OR10K2: variants seen among roughly 807,000 people sequenced by gnomAD.
OR10K2 encodes the protein olfactory receptor family 10 subfamily K member 2, also known as olfactory receptor 10K2.
For synonymous variants in OR10K2, 169 were observed against 146.4 expected, an observed-to-expected ratio of 1.15 and a Z score of -1.11; for missense variants, 401 against 367.1, an observed-to-expected ratio of 1.09 and a Z score of -0.76.
At position 158,420,054 on chromosome 1, in the gene OR10K2, A is replaced by G. The variant is rs1200114187; in HGVS notation, c.813T>C (p.Asp271=). 1 of 1,613,772 alleles carries G rather than the reference A, an allele frequency of 6.2e-7. No homozygotes were observed. Among genetic ancestry groups the G allele is most frequent in the South Asian group, 1.1e-5 (1 of 91,078 alleles). The change falls in exon 2 of 2, where the codon GAT becomes GAC. Residue 271 remains aspartate (D), a synonymous_variant. Transcript: ENST00000641042. ...RPQSNYSSSQ[D]ALISVSYTII... ...TAGTGTAGGATACTGATATTAGAGC[A>G]TCCTGGCTTGAGGAGTAGTTGGACT...
chr1:158,420,411 G>A lies in OR10K2; in HGVS notation c.456C>T (p.Gly152=). 6.2e-7 allele frequency: 1 copy of A among 1,613,906 alleles called. No homozygotes were observed. The highest frequency in any genetic ancestry group is 8.5e-7 in the Non-Finnish European group (1 of 1,179,918). The change falls in exon 2 of 2, where the codon GGC becomes GGT. Residue 152 remains glycine, a synonymous_variant. Transcript: ENST00000641042. ...MGLVAAACAC[G]FTVAQIITSL... ...ATGTGATGATCTGTGCAACAGTGAA[G>A]CCACAGGCACAGGCAGCAGCCACTA... is the stretch of plus-strand genomic sequence containing the variant.
intron 1 of OR10K2, among the ~76,000 whole-genome samples, chr1:158,423,794 G>A (rs868251666): frequency 6.6e-6 from 1 of 151,998 alleles, no homozygotes; most frequent in East Asian, 1.9e-4. Context: ...GGTTTTCCAC[G>A]GAGTTCTGTT....
rs1230736267 is a variant in OR10K2, at chr1:158,420,900, G to C, written c.-34C>G. On this transcript the variant is annotated 5_prime_UTR_variant, in exon 2 of 2. Transcript: ENST00000641042. ...CATCATCAGGAGACAATTAGGGAGA[G>C]AAGAGGAGTCAGCACCAAAAGAAAT... The C allele has an allele frequency of 1.9e-6, 3 of 1,579,690 alleles. No homozygotes were observed. In the Admixed American group the frequency reaches 5.4e-5, roughly 28 times the overall value.
At chr1:158,421,890 A>G (rs1430930711) in intron 1 of OR10K2, among the ~76,000 whole-genome samples, 2 of 152,024 alleles carry the variant, frequency 1.3e-5, no homozygotes, top group South Asian at 2.1e-4. Context: ...TTGCCCAAAT[A>G]TGTTCTGGAC....
At chr1:158,424,421 T>C (rs980753811) in intron 1 of OR10K2, among the ~76,000 whole-genome samples, 3 of 151,966 alleles carry the variant, frequency 2.0e-5, no homozygotes, top group Non-Finnish European at 4.4e-5. Context: ...TATTCCATTG[T>C]GTCTATCAAT....
intron 1 of OR10K2, among the ~76,000 whole-genome samples, chr1:158,424,152 G>C (rs1488560364): frequency 6.6e-6 from 1 of 152,020 alleles, no homozygotes; most frequent in South Asian, 2.1e-4. Context: ...TACTGGCTGA[G>C]TCTAAATGCC....
At chr1:158,425,047 A>AG (rs1655226430) in intron 1 of OR10K2, among the ~76,000 whole-genome samples, 1 of 152,110 alleles carries the variant, frequency 6.6e-6, no homozygotes, top group Non-Finnish European at 1.5e-5. Context: ...GGAATTGAAA[A>AG]GGGGCAGAGA....
rs750580861 is a variant in OR10K2 at position 158,420,181 on chromosome 1, G to C, written c.686C>G (p.Pro229Arg). Residue 229 changes from proline (P) to arginine (R), a missense_variant, in exon 2 of 2, where the codon CCT becomes CGT. Pro to Arg is a moderately radical substitution (Grantham distance 103). Transcript: ENST00000641042. ...AGCTTTGCACCTACCCAGTGTGGAA[G>C]GAAACTGAAGTATGGCAGAGAGGAT... is the stretch of plus-strand genomic sequence containing the variant. ...VHILSAILQF[P>R]STLGRCKAFS... 1.2e-6 allele frequency: 2 copies of C among 1,613,732 alleles called. No homozygotes were observed. The highest frequency in any genetic ancestry group is 2.2e-5 in the South Asian group (2 of 91,076).
At chr1:158,421,021 C>T in intron 1 of OR10K2, 94 bp from the exon 2 acceptor site, 1 of 715,374 alleles carries the variant, frequency 1.4e-6, no homozygotes, top group Non-Finnish European at 2.3e-6. Flanking sequence ...TCTTGTTTTT[C>T]CAAGACATGA....
rs1655096591 is a variant in OR10K2 at position 158,419,314 on chromosome 1, G to C, written c.*614C>G. 6.5e-6 allele frequency: 1 copy of C among 154,800 alleles called. No individual in the cohort carries two copies. Among genetic ancestry groups the C allele is most frequent in the Admixed American group, 6.5e-5 (1 of 15,268 alleles). 9.6% of individuals were successfully genotyped at this position (154,800 alleles called of 1,614,324 possible). A position where few individuals can be genotyped will look rare whatever the true frequency, so the allele number is the denominator to read the frequency against. On this transcript the variant is annotated 3_prime_UTR_variant, in exon 2 of 2. Transcript: ENST00000641042. Reference sequence around the variant, plus strand: ...GGTTGTGCCACATTTTGCAGGGTTAGTTTTCAGCCTGGCTGAGATTGGGTG... The same window carrying C: ...GGTTGTGCCACATTTTGCAGGGTTACTTTTCAGCCTGGCTGAGATTGGGTG...
intron 1 of OR10K2, 55 bp from the exon 2 acceptor site, chr1:158,420,982 T>C: frequency 1.1e-6 from 1 of 937,534 alleles, no homozygotes; most frequent in Non-Finnish European, 1.6e-6. Flanking sequence ...TCTCAGATTT[T>C]GAATTCTGAA....
rs1431122860 is a variant in OR10K2, at chr1:158,420,641, T to C, written c.226A>G (p.Ile76Val). The part of the protein sequence containing the change: ...LSCSEICYTF[I>V]IVPKMLVDLL... ...TCAACCAGCATCTTGGGTACAATGA[T>C]GAAGGTGTAGCAAATCTCAGAGCAA... Residue 76 changes from isoleucine (I) to valine (V), a missense_variant, in exon 2 of 2, where the codon ATC becomes GTC. Physicochemically the swap from Ile to Val is conservative, Grantham distance 29. Coordinates refer to ENST00000641042, the MANE Select transcript of OR10K2 (RefSeq NM_001004476.2). 2 of 1,613,690 alleles carry C rather than the reference T, an allele frequency of 1.2e-6. No individual in the cohort carries two copies. The highest frequency in any genetic ancestry group is 1.7e-6 in the Non-Finnish European group (2 of 1,179,896).
intron 1 of OR10K2, among the ~76,000 whole-genome samples, chr1:158,421,236 C>G (rs1358217643): frequency 6.6e-6 from 1 of 151,674 alleles, no homozygotes; most frequent in Admixed American, 6.6e-5. Flanking sequence ...TATCTGTATT[C>G]TCTCAAAAAA....
intron 1 of OR10K2, among the ~76,000 whole-genome samples, chr1:158,422,315 A>T (rs1655171578): frequency 6.6e-6 from 1 of 152,150 alleles, no homozygotes; most frequent in South Asian, 2.1e-4. Context: ...CAGACTTCTT[A>T]GAACTCACAG....
chr1:158,424,657 A>T (rs551520214), intron 1 of OR10K2, among the ~76,000 whole-genome samples: 82 of 152,112 alleles, frequency 5.4e-4, no homozygotes, highest in Middle Eastern at 6.8e-3. Context: ...TTATAAAGAT[A>T]AGAAATTTGA....
Position 158,420,529 on chromosome 1 carries a change from A to AAGGAGTGAG in OR10K2, c.329_337dup (p.Ser110_Ser112dup), listed in dbSNP as rs1285962264. 46 of 1,613,774 alleles carry AAGGAGTGAG rather than the reference A, an allele frequency of 2.9e-5. No homozygotes were observed. Among genetic ancestry groups the AAGGAGTGAG allele is most frequent in the Non-Finnish European group, 3.8e-5 (45 of 1,179,902 alleles). On this transcript the variant is annotated inframe_insertion, in exon 2 of 2. Coordinates refer to ENST00000641042, the MANE Select transcript of OR10K2 (RefSeq NM_001004476.2). ...ATCATAACCCATGACTGCCAGCAGA[A>AAGGAGTGAG]AGGAGTGAGAGCAGCCAAGGAAGAG...
At chr1:158,421,670 C>A (rs536235048) in intron 1 of OR10K2, among the ~76,000 whole-genome samples, 9 of 152,238 alleles carry the variant, frequency 5.9e-5, no homozygotes, top group Non-Finnish European at 1.2e-4. Flanking sequence ...TTTCCCATGG[C>A]CACTCTTACA....
rs1655088823 is a variant in OR10K2 at position 158,418,883 on chromosome 1, T to C, written c.*1045A>G. ...AGTTGCATGGAGAACAGATTGATTG[T>C]TCCATATGCAAAGCTTTCCACTTGG... On this transcript the variant is annotated 3_prime_UTR_variant, in exon 2 of 2. Transcript: ENST00000641042. The C allele has an allele frequency of 1.3e-5, 2 of 152,130 alleles. No individual in the cohort carries two copies. 9.4% of individuals were successfully genotyped at this position (152,130 alleles called of 1,614,324 possible).
At position 158,419,611 on chromosome 1, in the gene OR10K2, A is replaced by ATTTTTTT. The variant is rs35350080; in HGVS notation, c.*310_*316dup. 1 of 124,328 alleles carries ATTTTTTT rather than the reference A, an allele frequency of 8.0e-6. No individual in the cohort carries two copies. The highest frequency in any genetic ancestry group is 1.6e-5 in the Non-Finnish European group (1 of 61,372). The allele number at this position is 124,328 out of a possible 1,614,324, so 7.7% of individuals were successfully genotyped here. ...ACGGTTTGGAAAGAGCAGAATCAAG[A>ATTTTTTT]TTTTTTTTTTTTTTTTTTTTTGAGA... On this transcript the variant is annotated 3_prime_UTR_variant, in exon 2 of 2. Coordinates refer to ENST00000641042, the MANE Select transcript of OR10K2 (RefSeq NM_001004476.2).
Sources: gnomAD v4.1 joint callset for allele counts (sites outside exome capture counted in the v4.1 genomes callset) on GRCh38, gnomAD v4.1.1 for gene constraint, MANE v1.5 for transcripts, NCBI Gene and HGNC (gene_info 2026-07-23, HGNC 2026-07-21) for gene names.